PPP6R2: variants seen among roughly 807,000 people sequenced by gnomAD.
The protein encoded by PPP6R2 is serine/threonine-protein phosphatase 6 regulatory subunit 2.
A neutral mutation model predicts 100.2 loss-of-function variants in PPP6R2; 62 were observed. That is an observed-to-expected ratio of 0.62 (90% confidence interval 0.50 to 0.76). The LOEUF (loss-of-function observed/expected upper bound fraction) is 0.76, where lower values mean the gene tolerates loss of function less well. Among genes scored for constraint, PPP6R2 ranks in the 30% least tolerant of loss-of-function variants. The probability of loss-of-function intolerance (pLI) is 0.00; values close to 1 mark genes in which losing one functional copy is unlikely to be tolerated. For synonymous variants in PPP6R2, 525 were observed against 514.7 expected, an observed-to-expected ratio of 1.02 and a Z score of -0.27; for missense variants, 1,142 against 1,276.3, an observed-to-expected ratio of 0.89 and a Z score of 1.60.
chr22:50,350,689 C>T (rs138557554), intron 1 of PPP6R2, among the ~76,000 whole-genome samples: 32 of 150,822 alleles, frequency 2.1e-4, no homozygotes, highest in South Asian at 2.1e-4. Flanking sequence ...ACTAAAAATT[C>T]AAAAAATTAG....
At chr22:50,354,260 A>T (rs1177371624) in intron 1 of PPP6R2, among the ~76,000 whole-genome samples, 1 of 152,122 alleles carries the variant, frequency 6.6e-6, no homozygotes, top group African/African-American at 2.4e-5. Flanking sequence ...AGCCAAGATC[A>T]TGCCACTGCA....
intron 4 of PPP6R2, among the ~76,000 whole-genome samples, chr22:50,411,087 G>A (rs1448355705): frequency 2.6e-5 from 4 of 151,962 alleles, no homozygotes; most frequent in Non-Finnish European, 4.4e-5. Context: ...CCCCACACCC[G>A]GCCTTTAAAT....
chr22:50,391,182 C>T (rs2055438204), intron 2 of PPP6R2, among the ~76,000 whole-genome samples: 2 of 151,412 alleles, frequency 1.3e-5, no homozygotes, highest in Admixed American at 6.6e-5. Flanking sequence ...ACCTGTAATC[C>T]CAGCACTGTG....
At chr22:50,437,692 G>C (rs937944203) in intron 16 of PPP6R2, 89 bp downstream of exon 16, 4 of 1,422,530 alleles carry the variant, frequency 2.8e-6, no homozygotes, top group African/African-American at 2.8e-5. Flanking sequence ...GTCTTGCCGG[G>C]AGTGCCGTCT....
chr22:50,415,484 G>A (rs1445490538), intron 5 of PPP6R2, among the ~76,000 whole-genome samples: 3 of 152,242 alleles, frequency 2.0e-5, no homozygotes, highest in African/African-American at 7.2e-5. Context: ...AGAACTGTAC[G>A]TCAGGCAGCC....
intron 3 of PPP6R2, among the ~76,000 whole-genome samples, chr22:50,402,133 G>A (rs2058149711): frequency 6.6e-6 from 1 of 151,868 alleles, no homozygotes; most frequent in Admixed American, 6.6e-5. Flanking sequence ...TCTTTCATAA[G>A]TGGGGCCCTA....
intron 19 of PPP6R2, among the ~76,000 whole-genome samples, chr22:50,439,218 T>C (rs1426465575): frequency 6.6e-6 from 1 of 152,152 alleles, no homozygotes; most frequent in African/African-American, 2.4e-5. Context: ...CTCAGGACTT[T>C]GGTGGCGGGG....
intron 2 of PPP6R2, among the ~76,000 whole-genome samples, chr22:50,377,176 A>G (rs1403019719): frequency 1.3e-5 from 2 of 152,196 alleles, no homozygotes; most frequent in Admixed American, 1.3e-4. Context: ...AATTCAGGCC[A>G]GGTGAGGTGG....
chr22:50,410,194 G>T (rs1176276474), intron 4 of PPP6R2, among the ~76,000 whole-genome samples: 1 of 151,950 alleles, frequency 6.6e-6, no homozygotes, highest in Non-Finnish European at 1.5e-5. Context: ...TTTTGATGAG[G>T]TTTGCATTGG....
chr22:50,356,271 T>C (rs2046554087), intron 1 of PPP6R2, among the ~76,000 whole-genome samples: 1 of 151,818 alleles, frequency 6.6e-6, no homozygotes, highest in African/African-American at 2.4e-5. Flanking sequence ...GCCTTCCCTC[T>C]TCTTTTTAAC....
rs2065177321 is a variant in PPP6R2, at chr22:50,439,755, C to T, written c.2183C>T (p.Pro728Leu). The change falls in exon 20 of 24, where the codon CCA becomes CTA. Residue 728 changes from proline to leucine, a missense_variant. Pro to Leu is a moderately conservative substitution (Grantham distance 98, BLOSUM62 -3). Around this residue, in one of 2 missense-constraint regions of PPP6R2, gnomAD observed 550 missense variants for 517.4 expected, o/e 1.06. Transcript: ENST00000612753. Reference sequence around the variant, plus strand: ...CCAGCGAACTCAACGCCCACAGCCCCAGGAGTGGTGAGGGACGTGGGTTCC... The same window carrying T: ...CCAGCGAACTCAACGCCCACAGCCCTAGGAGTGGTGAGGGACGTGGGTTCC... ...DEPANSTPTA[P>L]GVVRDVGSSV... 2 of 1,613,586 alleles carry T rather than the reference C, an allele frequency of 1.2e-6. No homozygotes were observed. The highest frequency in any genetic ancestry group is 1.7e-6 in the Non-Finnish European group (2 of 1,179,870).
intron 5 of PPP6R2, among the ~76,000 whole-genome samples, chr22:50,415,172 C>A (rs577554148): frequency 6.6e-6 from 1 of 152,312 alleles, no homozygotes; most frequent in South Asian, 2.1e-4. Context: ...CTACAGTTCC[C>A]GAAAAGAGGA....
intron 10 of PPP6R2, among the ~76,000 whole-genome samples, chr22:50,426,102 G>A (rs939201745): frequency 1.3e-5 from 2 of 151,966 alleles, no homozygotes; most frequent in African/African-American, 4.8e-5. Flanking sequence ...GCAGGCATGC[G>A]CCACCACATC....
At chr22:50,365,141 G>A (rs1417384203) in intron 1 of PPP6R2, among the ~76,000 whole-genome samples, 4 of 147,318 alleles carry the variant, frequency 2.7e-5, no homozygotes, top group Non-Finnish European at 5.9e-5. Flanking sequence ...GCGCAATCTC[G>A]GCTCACCGCA....
chr22:50,370,477 T>G (rs141515200), intron 1 of PPP6R2, among the ~76,000 whole-genome samples: 1 of 150,664 alleles, frequency 6.6e-6, no homozygotes, highest in African/African-American at 2.4e-5. Context: ...TTAGTAGAGA[T>G]GGGGTTTCAC....
rs571014896 is a variant in PPP6R2 at position 50,421,830 on chromosome 22, C to T, written c.846-424C>T. ...TTGCAGTGAGCTAAGATCGCACCAT[C>T]GCACTCCAGCCTGGGTGACAGAGCG... On this transcript the variant is annotated intron_variant, in intron 8 of 23. Coordinates refer to ENST00000612753, the MANE Select transcript of PPP6R2 (RefSeq NM_001242898.2). Among the ~76,000 whole-genome samples the T allele has an allele frequency of 1.7e-3, 257 of 152,038 alleles. 1 individual carries two copies. The highest frequency in any genetic ancestry group is 6.0e-3 in the African/African-American group (249 of 41,490).
At chr22:50,426,550 C>G (rs1364137239) in intron 10 of PPP6R2, among the ~76,000 whole-genome samples, 2 of 152,010 alleles carry the variant, frequency 1.3e-5, no homozygotes, top group African/African-American at 4.8e-5. Context: ...AAAGACTGTC[C>G]TAGGCCGGGC....
chr22:50,394,321 G>GC (rs2056274516), intron 3 of PPP6R2, among the ~76,000 whole-genome samples, 186 bp downstream of exon 3: 1 of 152,180 alleles, frequency 6.6e-6, no homozygotes, highest in Non-Finnish European at 1.5e-5. Flanking sequence ...GAGATTGGGT[G>GC]CAGTGGCTCA....
intron 1 of PPP6R2, among the ~76,000 whole-genome samples, chr22:50,347,419 C>T (rs550028215): frequency 9.2e-5 from 14 of 152,206 alleles, no homozygotes; most frequent in East Asian, 7.7e-4. Flanking sequence ...CTCCCCATCA[C>T]GGCTTGAGAT....
Sources: allele counts gnomAD v4.1 joint callset (sites outside exome capture counted in the v4.1 genomes callset), GRCh38; gene constraint gnomAD v4.1.1; regional missense constraint gnomAD v4.1.1; transcripts MANE v1.5; gene names NCBI Gene and HGNC (gene_info 2026-07-23, HGNC 2026-07-21).